The following DENND3 variants were observed in gnomAD, a reference collection of about 807,000 sequenced individuals.
DENND3 encodes the protein DENN domain containing 3.
In DENND3, 88 loss-of-function variants were observed where a neutral mutation model predicts 135.1. That is an observed-to-expected ratio of 0.65 (90% CI 0.55 to 0.78). DENND3 has a LOEUF of 0.78. Among genes scored for constraint, DENND3 ranks in the 30% least tolerant of loss-of-function variants. DENND3 has a pLI of 0.00. For synonymous variants in DENND3, 693 were observed against 712.3 expected (o/e 0.97, Z 0.43); for missense variants, 1,392 against 1,688.4 (o/e 0.82, Z 3.08).
In DENND3 at chr8:141,194,095, C is replaced by T. The variant is rs758716396; in HGVS notation, c.3699C>T (p.Asp1233=). ...GTPKGKIYVI[D]AERKTVEKEL... The stretch of plus-strand genomic sequence containing the variant: ...CCAAGGGGAAAATCTACGTGATTGA[C>T]GCCGAGAGGAAGACCGTGGAGAAGG... Residue 1233 remains aspartate (D), a synonymous_variant, in exon 23 of 23, where the codon GAC becomes GAT. Transcript: ENST00000519811. 28 of 1,613,828 alleles carry T rather than the reference C, an allele frequency of 1.7e-5. No homozygotes were observed. Among genetic ancestry groups the T allele is most frequent in the South Asian group, 3.3e-5 (3 of 91,004 alleles).
rs900038702 is a variant in DENND3, at chr8:141,174,031, C to T, written c.2276-1169C>T. On this transcript the variant is annotated intron_variant, in intron 13 of 22. Transcript: ENST00000519811. The surrounding 1 kb of genome is among the most constrained non-coding windows in gnomAD (Gnocchi z 4.6). The stretch of plus-strand genomic sequence containing the variant: ...CCTGGCCAGGATGTCTCTGCCTTAT[C>T]GGGGAAGGCGTGCGTGGGCATGCCT... Among the ~76,000 whole-genome samples the T allele has an allele frequency of 2.0e-5, 3 of 152,124 alleles. No individual in the cohort carries two copies. The highest frequency in any genetic ancestry group is 3.2e-3 in the Middle Eastern group (1 of 316).
chr8:141,139,977 G>A lies in DENND3; in HGVS notation c.502-1226G>A, dbSNP rs927895991. ...GGCTTTAGTGCAGCGGTGTGATCAC[G>A]GCTCACTGCAGCCTTGAACTCCAGG... On this transcript the variant is annotated intron_variant, in intron 3 of 22. Transcript: ENST00000519811. This position sits in a 1 kb window ranked among gnomAD's most constrained non-coding sequence, Gnocchi z 4.2. Among the ~76,000 whole-genome samples the A allele has an allele frequency of 3.3e-5, 5 of 151,514 alleles. No homozygotes were observed. The highest frequency in any genetic ancestry group is 1.9e-4 in the East Asian group (1 of 5,166).
chr8:141,136,064 T>C (rs991402161), intron 1 of DENND3, among the ~76,000 whole-genome samples: 2 of 152,098 alleles, frequency 1.3e-5, no homozygotes, highest in Admixed American at 6.6e-5. Context: ...AGTATATCCA[T>C]AGGCTCCTGG....
chr8:141,176,291 A>AC lies in DENND3; in HGVS notation c.2536-300_2536-299insC, dbSNP rs1555551158. ...TAAAAAAAAACAAAAACAAAACAAA[A>AC]AAAAAAAAACAAAAAGAGGGAGAGA... is the stretch of plus-strand genomic sequence containing the variant. On this transcript the variant is annotated intron_variant, in intron 14 of 22. Coordinates refer to ENST00000519811, the MANE Select transcript of DENND3 (RefSeq NM_001352890.3). 402 of 234,616 alleles carry AC rather than the reference A, an allele frequency of 1.7e-3. 3 individuals are homozygous for AC. The highest frequency in any genetic ancestry group is 6.7e-3 in the Middle Eastern group (5 of 742). 14.5% of individuals were successfully genotyped at this position (234,616 alleles called of 1,614,324 possible).
Position 141,192,614 on chromosome 8 carries a change from C to T in DENND3, c.3587C>T (p.Pro1196Leu), listed in dbSNP as rs1227079626. The change falls in exon 22 of 23, where the codon CCC (proline) becomes CTC (leucine). Residue 1196 changes from proline to leucine, a missense_variant. Physicochemically the swap from Pro to Leu is moderately conservative, Grantham distance 98. Coordinates refer to ENST00000519811, the MANE Select transcript of DENND3 (RefSeq NM_001352890.3). Reference protein sequence around the residue: ...KDLAQPPQRVPLEDCSEINCM... With the variant: ...KDLAQPPQRVLLEDCSEINCM... ...CTGGCCCAGCCCCCGCAGAGGGTGC[C>T]CCTCGAGGACTGCTCTGAGATCAAC... is the stretch of plus-strand genomic sequence containing the variant. 1 of 1,594,710 alleles carries T rather than the reference C, an allele frequency of 6.3e-7. No individual in the cohort carries two copies.
Position 141,138,150 on chromosome 8 carries a change from C to T in DENND3, c.501+13C>T, listed in dbSNP as rs183162590. ...CCGGCCCCTGCATGTAGGTGGTTCC[C>T]GTTACTCCCCTCTGAAATTGGGTTT... is the stretch of plus-strand genomic sequence containing the variant. On this transcript the variant is annotated intron_variant, in intron 3 of 22. Coordinates refer to ENST00000519811, the MANE Select transcript of DENND3 (RefSeq NM_001352890.3). The surrounding 1 kb of genome is among the most constrained non-coding windows in gnomAD (Gnocchi z 4.8). 25 of 1,589,170 alleles carry T rather than the reference C, an allele frequency of 1.6e-5. 1 individual carries two copies. The South Asian group carries it at 1.7e-4, about 11-fold the overall frequency.
At chr8:141,172,059 G>C (rs1821658343) in intron 13 of DENND3, among the ~76,000 whole-genome samples, 1 of 149,902 alleles carries the variant, frequency 6.7e-6, no homozygotes, top group South Asian at 2.1e-4. Context: ...TGAGCATAGT[G>C]GTGGGCACGC....
chr8:141,159,397 T>C (rs983142238), intron 8 of DENND3, among the ~76,000 whole-genome samples: 22 of 152,160 alleles, frequency 1.4e-4, no homozygotes, highest in African/African-American at 4.6e-4. Flanking sequence ...ACTGGGTCCA[T>C]CAAGTCCCCC....
Position 141,138,086 on chromosome 8 carries a change from C to G in DENND3, c.450C>G (p.Val150=). 1 of 1,610,398 alleles carries G rather than the reference C, an allele frequency of 6.2e-7. No homozygotes were observed. Among genetic ancestry groups the G allele is most frequent in the South Asian group, 1.1e-5 (1 of 90,050 alleles). Residue 150 remains valine (V), a synonymous_variant, in exon 3 of 23, where the codon GTC becomes GTG. Transcript: ENST00000519811. The surrounding 1 kb of genome is among the most constrained non-coding windows in gnomAD (Gnocchi z 4.8). ...TCCACTTCCTGGTGCTGACCGATGT[C>G]TGCGGGAATAGGACCTATGGCGTGG... ...DCVHFLVLTD[V]CGNRTYGVVA... is the part of the protein sequence containing the mutation.
intron 8 of DENND3, chr8:141,158,207 G>C (rs1213391682): frequency 7.8e-7 from 1 of 1,289,754 alleles, no homozygotes; most frequent in East Asian, 5.5e-5. Flanking sequence ...GGGCACCTGA[G>C]CAGCTGTTCT....
At chr8:141,188,828 A>G (rs762855634) in intron 18 of DENND3, 158 bp from the exon 19 acceptor site, 6 of 895,738 alleles carry the variant, frequency 6.7e-6, no homozygotes, top group South Asian at 5.5e-5. Context: ...GTGGATGACA[A>G]CGTCAGGGCC....
intron 3 of DENND3, among the ~76,000 whole-genome samples, chr8:141,140,779 G>C (rs1817348958): frequency 6.6e-6 from 1 of 152,176 alleles, no homozygotes; most frequent in East Asian, 1.9e-4. Context: ...GGGCCTTCTA[G>C]AACCCTGCGG....
chr8:141,175,580 C>T lies in DENND3; in HGVS notation c.2535+121C>T, dbSNP rs779385188. The T allele has an allele frequency of 9.5e-6, 14 of 1,466,044 alleles. No individual in the cohort carries two copies. Among genetic ancestry groups the T allele is most frequent in the East Asian group, 2.3e-5 (1 of 43,232 alleles). The allele number at this position is 1,466,044 out of a possible 1,614,324, so 90.8% of individuals were successfully genotyped here. Reference sequence around the variant, plus strand: ...TACCAGCTGCAGCCCTTCTGCAGACCGAATGCCTTCCTGTCCCTCAGTTTG... The same window carrying T: ...TACCAGCTGCAGCCCTTCTGCAGACTGAATGCCTTCCTGTCCCTCAGTTTG... On this transcript the variant is annotated intron_variant, in intron 14 of 22. Coordinates refer to ENST00000519811, the MANE Select transcript of DENND3 (RefSeq NM_001352890.3). This position sits in a 1 kb window ranked among gnomAD's most constrained non-coding sequence, Gnocchi z 5.4.
rs780942124 is a variant in DENND3 at position 141,166,600 on chromosome 8, C to T, written c.1753+211C>T. Among the ~76,000 whole-genome samples, 35 of 152,224 alleles carry T rather than the reference C, an allele frequency of 2.3e-4. No homozygotes were observed. Among genetic ancestry groups the T allele is most frequent in the African/African-American group, 7.0e-4 (29 of 41,456 alleles). On this transcript the variant is annotated intron_variant, in intron 12 of 22. Coordinates refer to ENST00000519811, the MANE Select transcript of DENND3 (RefSeq NM_001352890.3). The surrounding 1 kb of genome is among the most constrained non-coding windows in gnomAD (Gnocchi z 4.3). ...TGTATTTTCTGCCACCCAGTGTCACCGCTAAAGATAACGGGGGCTCGGCAT... is the reference window on the plus strand; with the variant it reads ...TGTATTTTCTGCCACCCAGTGTCACTGCTAAAGATAACGGGGGCTCGGCAT...
intron 8 of DENND3, chr8:141,157,507 G>A (rs1326488935): frequency 4.1e-6 from 4 of 985,832 alleles, no homozygotes; most frequent in Non-Finnish European, 4.8e-6. Context: ...GGAGGGAGGG[G>A]AGCGCTTAGG....
intron 20 of DENND3, chr8:141,191,216 A>AGTAT (rs1405204082): frequency 2.0e-5 from 3 of 152,232 alleles, no homozygotes; most frequent in Non-Finnish European, 4.4e-5. Flanking sequence ...AGGGGATACA[A>AGTAT]GTGCTCTTAG....
At chr8:141,183,033 C>T (rs535591194) in intron 17 of DENND3, among the ~76,000 whole-genome samples, 82 of 152,314 alleles carry the variant, frequency 5.4e-4, no homozygotes, top group Non-Finnish European at 7.4e-4. Context: ...GGTGAAACCT[C>T]GCCCCTTCAC....
intron 18 of DENND3, among the ~76,000 whole-genome samples, chr8:141,186,498 C>T (rs1823907533): frequency 1.3e-5 from 2 of 152,190 alleles, no homozygotes; most frequent in African/African-American, 4.8e-5. Flanking sequence ...TGTAAACTTT[C>T]TTAAAACATA....
intron 5 of DENND3, among the ~76,000 whole-genome samples, chr8:141,145,853 A>T (rs368302229): frequency 0.29 from 24,802 of 85,176 alleles, 4,319 homozygotes; most frequent in East Asian, 0.54. Context: ...ATATATATGT[A>T]TTTTTTTTTT....
Sources: gnomAD v4.1 joint callset for allele counts (sites outside exome capture counted in the v4.1 genomes callset) on GRCh38, gnomAD v4.1.1 for gene constraint, Gnocchi (gnomAD v3.1) non-coding constraint, MANE v1.5 for transcripts, NCBI Gene and HGNC (gene_info 2026-07-23, HGNC 2026-07-21) for gene names.